Variants in DNER observed in about 807,000 individuals in gnomAD.
The protein encoded by DNER is delta and Notch-like epidermal growth factor-related receptor.
In DNER, 33 loss-of-function variants were observed where a neutral mutation model predicts 78.2. The ratio of observed to expected loss-of-function variants is 0.42; its 90% CI spans 0.32 to 0.56. DNER has a LOEUF of 0.56. Among genes scored for constraint, DNER ranks in the 20% least tolerant of loss-of-function variants. The pLI, the probability that DNER is intolerant of heterozygous loss-of-function variation, is 0.11. For missense variants in DNER, 918 were observed against 975.3 expected, an observed-to-expected ratio of 0.94 and a Z score of 0.78; for synonymous variants, 417 against 384.8, an observed-to-expected ratio of 1.08 and a Z score of -0.98.
chr2:229,694,232 C>T (rs564786704), intron 1 of DNER, among the ~76,000 whole-genome samples: 55 of 152,360 alleles, frequency 3.6e-4, no homozygotes, highest in Admixed American at 2.5e-3. Flanking sequence ...TGCATGGAAA[C>T]GCCTGGATGT....
At chr2:229,394,180 C>T (rs902606893) in intron 10 of DNER, among the ~76,000 whole-genome samples, 1 of 152,146 alleles carries the variant, frequency 6.6e-6, no homozygotes, top group Non-Finnish European at 1.5e-5. Flanking sequence ...ATGTACTGTT[C>T]CTTGTACAAG....
At chr2:229,683,186 G>A (rs1574563125) in intron 1 of DNER, among the ~76,000 whole-genome samples, 1 of 152,132 alleles carries the variant, frequency 6.6e-6, no homozygotes, top group East Asian at 1.9e-4. Flanking sequence ...CATAACTTAT[G>A]TAAGTCTCAT....
At chr2:229,507,710 A>T (rs959602684) in intron 6 of DNER, among the ~76,000 whole-genome samples, 18 of 152,332 alleles carry the variant, frequency 1.2e-4, no homozygotes, top group Non-Finnish European at 1.6e-4. Context: ...TAACATAGGA[A>T]ATTGGATCTC....
At chr2:229,680,229 G>T (rs1460949046) in intron 1 of DNER, among the ~76,000 whole-genome samples, 7 of 152,236 alleles carry the variant, frequency 4.6e-5, no homozygotes, top group Non-Finnish European at 4.4e-5. Context: ...TGGAATAAAA[G>T]GTGACGCAGA....
intron 7 of DNER, among the ~76,000 whole-genome samples, chr2:229,450,153 G>A (rs562660821): frequency 6.6e-6 from 1 of 152,312 alleles, no homozygotes; most frequent in East Asian, 1.9e-4. Flanking sequence ...GATGACAGAA[G>A]GTGACAGTTG....
chr2:229,696,781 A>T (rs541970938), intron 1 of DNER, among the ~76,000 whole-genome samples: 11 of 152,284 alleles, frequency 7.2e-5, no homozygotes, highest in African/African-American at 2.6e-4. Context: ...ACCTCAGATC[A>T]CGGCTGGAAT....
intron 1 of DNER, among the ~76,000 whole-genome samples, chr2:229,672,683 T>G (rs1021199614): frequency 6.7e-6 from 1 of 149,876 alleles, no homozygotes; most frequent in Non-Finnish European, 1.5e-5. Flanking sequence ...AGATATGAGA[T>G]AGAGAGAGAG....
At chr2:229,391,107 CT>C (rs1284243991) in intron 10 of DNER, among the ~76,000 whole-genome samples, 1 of 152,176 alleles carries the variant, frequency 6.6e-6, no homozygotes, top group Non-Finnish European at 1.5e-5. Flanking sequence ...TGTTCTCTGC[CT>C]TACAGTGATC....
chr2:229,482,183 G>A (rs569431426), intron 6 of DNER, among the ~76,000 whole-genome samples: 11 of 152,136 alleles, frequency 7.2e-5, no homozygotes, highest in African/African-American at 2.2e-4. Flanking sequence ...ACAAGCATTC[G>A]TGAACCACCT....
intron 10 of DNER, among the ~76,000 whole-genome samples, chr2:229,395,535 G>A (rs1693117389): frequency 6.6e-6 from 1 of 152,112 alleles, no homozygotes; most frequent in Non-Finnish European, 1.5e-5. Context: ...TGGTTTTGAG[G>A]GATCTAAATA....
intron 5 of DNER, among the ~76,000 whole-genome samples, chr2:229,518,365 A>G (rs186950275): frequency 2.2e-4 from 33 of 152,388 alleles, no homozygotes; most frequent in Admixed American, 2.1e-3. Flanking sequence ...GAAAGGACAC[A>G]GTCCCCATTC....
chr2:229,523,176 G>A (rs1429239389), intron 5 of DNER, among the ~76,000 whole-genome samples: 3 of 152,184 alleles, frequency 2.0e-5, no homozygotes, highest in African/African-American at 7.2e-5. Flanking sequence ...CTGGGTTCCA[G>A]CCCCATGTAG....
At chr2:229,381,979 T>C (rs540800079) in intron 11 of DNER, among the ~76,000 whole-genome samples, 2 of 152,262 alleles carry the variant, frequency 1.3e-5, no homozygotes, top group East Asian at 3.9e-4. Context: ...GAGAGACACC[T>C]CCCAGCAGGG....
intron 4 of DNER, among the ~76,000 whole-genome samples, chr2:229,555,032 T>C (rs1418084834): frequency 1.3e-5 from 2 of 149,962 alleles, no homozygotes; most frequent in African/African-American, 4.9e-5. Context: ...AGGAAATTCA[T>C]GGGCAACAAG....
intron 7 of DNER, among the ~76,000 whole-genome samples, chr2:229,464,610 C>G (rs558829691): frequency 6.6e-6 from 1 of 152,246 alleles, no homozygotes; most frequent in East Asian, 1.9e-4. Context: ...CTAACCTAGA[C>G]TAATTGGGAG....
chr2:229,612,592 A>C (rs970102008), intron 1 of DNER, among the ~76,000 whole-genome samples: 7 of 152,246 alleles, frequency 4.6e-5, no homozygotes, highest in African/African-American at 4.8e-5. Context: ...CTATGATTCC[A>C]GAAGCCTCGC....
At chr2:229,574,007 TGAG>T (rs2154214103) in intron 4 of DNER, among the ~76,000 whole-genome samples, 1 of 152,326 alleles carries the variant, frequency 6.6e-6, no homozygotes, top group South Asian at 2.1e-4. Flanking sequence ...GTTTTTTCCT[TGAG>T]GAGATCCCTA....
intron 8 of DNER, among the ~76,000 whole-genome samples, chr2:229,421,237 A>G (rs966048614): frequency 1.3e-5 from 2 of 152,140 alleles, no homozygotes; most frequent in Non-Finnish European, 1.5e-5. Flanking sequence ...TCACAGAAGC[A>G]GAAAGTAGAA....
At chr2:229,630,181 A>G (rs186785494) in intron 1 of DNER, among the ~76,000 whole-genome samples, 8 of 152,350 alleles carry the variant, frequency 5.3e-5, no homozygotes, top group Admixed American at 2.0e-4. Flanking sequence ...CTCACAAAAA[A>G]TAAAACCTTC....
Sources: allele counts gnomAD v4.1 joint callset (sites outside exome capture counted in the v4.1 genomes callset), GRCh38; gene constraint gnomAD v4.1.1; transcripts MANE v1.5; gene names NCBI Gene and HGNC (gene_info 2026-07-23, HGNC 2026-07-21).